Variants in TTC39B observed in about 807,000 individuals in gnomAD.
TTC39B encodes tetratricopeptide repeat protein 39B.
A neutral mutation model predicts 96.6 loss-of-function variants in TTC39B; 92 were observed. The observed-to-expected ratio is 0.95, with a 90% CI of 0.80 to 1.13. The LOEUF is 1.13. Among genes scored for constraint, TTC39B ranks in the 50% most tolerant of loss-of-function variants. The pLI is 0.00. For missense variants in TTC39B, 955 were observed against 809.3 expected, an observed-to-expected ratio of 1.18 and a Z score of -2.18; for synonymous variants, 367 against 299.4, an observed-to-expected ratio of 1.23 and a Z score of -2.33.
chr9:15,244,225 C>T (rs1228003495), intron 2 of TTC39B, among the ~76,000 whole-genome samples: 1 of 152,220 alleles, frequency 6.6e-6, no homozygotes, highest in East Asian at 1.9e-4. Context: ...AATCCTTTCC[C>T]TATTGGAGGG....
chr9:15,294,952 A>G (rs559693629), intron 1 of TTC39B, among the ~76,000 whole-genome samples: 44 of 152,342 alleles, frequency 2.9e-4, no homozygotes, highest in South Asian at 1.4e-3. Flanking sequence ...AACTTATCCC[A>G]GGTTATACAT....
chr9:15,194,232 T>C (rs1819021428), intron 8 of TTC39B, among the ~76,000 whole-genome samples: 1 of 152,218 alleles, frequency 6.6e-6, no homozygotes, highest in South Asian at 2.1e-4. Context: ...CCTTTATATT[T>C]AAGAATTATA....
At chr9:15,248,009 G>A (rs527404994) in intron 2 of TTC39B, among the ~76,000 whole-genome samples, 2 of 152,242 alleles carry the variant, frequency 1.3e-5, no homozygotes, top group East Asian at 3.9e-4. Context: ...TGTGCACCTC[G>A]TTTTCCTCAT....
chr9:15,186,626 C>G (rs568156058), intron 15 of TTC39B: 1 of 192,916 alleles, frequency 5.2e-6, no homozygotes, highest in Admixed American at 6.1e-5. Flanking sequence ...ATGAACTTTA[C>G]AGTAAAAAGT....
At chr9:15,185,892 C>T (rs1818499030) in intron 15 of TTC39B, among the ~76,000 whole-genome samples, 2 of 152,168 alleles carry the variant, frequency 1.3e-5, no homozygotes, top group South Asian at 2.1e-4. Context: ...GCTCAAAAGA[C>T]AGCCAACAAT....
At chr9:15,276,405 T>C (rs1823545873) in intron 1 of TTC39B, among the ~76,000 whole-genome samples, 1 of 152,136 alleles carries the variant, frequency 6.6e-6, no homozygotes. Flanking sequence ...GCACCCACCC[T>C]AGGAAGCTGT....
intron 1 of TTC39B, among the ~76,000 whole-genome samples, chr9:15,296,467 G>C (rs932498837): frequency 2.0e-5 from 3 of 152,156 alleles, no homozygotes; most frequent in African/African-American, 7.2e-5. Context: ...AAATACAGAA[G>C]GGTGCATGTG....
At chr9:15,168,652 A>C (rs1817571486) in exon 20 of TTC39B, 1 of 152,302 alleles carries the variant, frequency 6.6e-6, no homozygotes, top group Admixed American at 6.5e-5. Flanking sequence ...CTCTACTCAA[A>C]ATACAAAAAA....
intron 2 of TTC39B, among the ~76,000 whole-genome samples, chr9:15,228,319 C>T (rs552734885): frequency 9.9e-5 from 15 of 152,238 alleles, no homozygotes; most frequent in African/African-American, 3.4e-4. Context: ...CAAAAATTAG[C>T]CAGGCGTGGT....
At chr9:15,257,918 G>A (rs914899940) in intron 2 of TTC39B, among the ~76,000 whole-genome samples, 9 of 152,058 alleles carry the variant, frequency 5.9e-5, no homozygotes, top group African/African-American at 2.2e-4. Context: ...AATTAGCCGG[G>A]CACGGTGGCG....
intron 2 of TTC39B, among the ~76,000 whole-genome samples, chr9:15,240,067 C>G (rs1360844042): frequency 6.6e-6 from 1 of 152,152 alleles, no homozygotes; most frequent in Non-Finnish European, 1.5e-5. Context: ...AAGGATGATT[C>G]CTCAAAGAGC....
intron 6 of TTC39B, among the ~76,000 whole-genome samples, chr9:15,204,987 G>A (rs1182772245): frequency 6.6e-6 from 1 of 152,172 alleles, no homozygotes; most frequent in Non-Finnish European, 1.5e-5. Context: ...CTATCCATGG[G>A]ATGCAAAGTG....
chr9:15,206,034 G>A (rs1819830405), intron 6 of TTC39B, among the ~76,000 whole-genome samples: 2 of 152,172 alleles, frequency 1.3e-5, no homozygotes, highest in African/African-American at 4.8e-5. Context: ...GAGCAGACGG[G>A]TGGGCAGATC....
In TTC39B at chr9:15,213,589, G is replaced by A. The variant is rs928317378; in HGVS notation, c.482+550C>T. On this transcript the variant is annotated intron_variant, in intron 4 of 19. Transcript: ENST00000512701. ...GCTTCATCTAAGCAAGTGTTTGAGG[G>A]CACAATGTACGATTATTCTTGTCAA... Among the ~76,000 whole-genome samples, 3 of 152,144 alleles carry A rather than the reference G, an allele frequency of 2.0e-5. 1 individual carries two copies. Among genetic ancestry groups the A allele is most frequent in the Admixed American group, 2.0e-4 (3 of 15,270 alleles).
intron 2 of TTC39B, among the ~76,000 whole-genome samples, chr9:15,247,670 C>A (rs1251447238): frequency 1.3e-5 from 2 of 152,056 alleles, no homozygotes; most frequent in Non-Finnish European, 2.9e-5. Flanking sequence ...CAATCCTGTC[C>A]TTTCTAAAGT....
At chr9:15,271,728 G>T (rs374828077) in intron 1 of TTC39B, among the ~76,000 whole-genome samples, 1 of 152,274 alleles carries the variant, frequency 6.6e-6, no homozygotes, top group East Asian at 1.9e-4. Flanking sequence ...GTATTACCCA[G>T]CTTTATGTAT....
chr9:15,185,640 A>T, intron 15 of TTC39B: 1 of 441,494 alleles, frequency 2.3e-6, no homozygotes, highest in Non-Finnish European at 4.0e-6. Flanking sequence ...ATTCTGAGGC[A>T]CACTCAAGAT....
chr9:15,214,315 AGTGTGTGTGTGT>A (rs199807096), intron 3 of TTC39B, 66 bp from the exon 4 acceptor site: 7 of 732,930 alleles, frequency 9.6e-6, no homozygotes, highest in African/African-American at 8.6e-5. Context: ...GTCCGAAGGG[AGTGTGTGTGTGT>A]GTGTGTGTGT....
intron 2 of TTC39B, chr9:15,250,084 G>A (rs558091359): frequency 1.6e-6 from 2 of 1,277,084 alleles, no homozygotes; most frequent in Middle Eastern, 2.1e-4. Context: ...TTGGTCTCCA[G>A]TGAGACTCTC....
Sources: allele counts gnomAD v4.1 joint callset (sites outside exome capture counted in the v4.1 genomes callset), GRCh38; gene constraint gnomAD v4.1.1; transcripts MANE v1.5; gene names NCBI Gene and HGNC (gene_info 2026-07-23, HGNC 2026-07-21).